PCNX1: variants seen among roughly 807,000 people sequenced by gnomAD.
PCNX1 encodes the protein pecanex 1.
A neutral mutation model predicts 242.2 loss-of-function variants in PCNX1; 78 were observed. That is an observed-to-expected ratio of 0.32 (90% CI 0.27 to 0.39). PCNX1 has a LOEUF of 0.39. PCNX1 is among the 10% of genes least tolerant of loss of function. PCNX1 has a pLI of 1.00. For missense variants in PCNX1, 2,581 were observed against 2,856.5 expected, an observed-to-expected ratio of 0.90 and a Z score of 2.20; for synonymous variants, 1,024 against 1,032.9, an observed-to-expected ratio of 0.99 and a Z score of 0.17.
intron 8 of PCNX1, among the ~76,000 whole-genome samples, chr14:70,999,896 A>G (rs544558669): frequency 1.3e-5 from 2 of 152,188 alleles, no homozygotes; most frequent in Admixed American, 6.5e-5. Flanking sequence ...ATTTTGGGCT[A>G]TTAGTACTTG....
intron 1 of PCNX1, among the ~76,000 whole-genome samples, chr14:70,946,354 C>G (rs2057456823): frequency 6.6e-6 from 1 of 152,158 alleles, no homozygotes; most frequent in South Asian, 2.1e-4. Flanking sequence ...AACGGTTGCA[C>G]AGAGCCCATA....
chr14:70,941,103 C>T (rs2057222743), intron 1 of PCNX1, among the ~76,000 whole-genome samples: 1 of 151,964 alleles, frequency 6.6e-6, no homozygotes, highest in Non-Finnish European at 1.5e-5. Context: ...TTTGTTATTA[C>T]TGATCTTTTG....
chr14:71,001,678 G>A (rs1355911683), intron 8 of PCNX1, among the ~76,000 whole-genome samples: 1 of 152,128 alleles, frequency 6.6e-6, no homozygotes, highest in Non-Finnish European at 1.5e-5. Context: ...TCATTCTTAA[G>A]ATTCTAAATT....
intron 8 of PCNX1, among the ~76,000 whole-genome samples, chr14:70,996,325 T>C (rs191963374): frequency 1.6e-4 from 24 of 152,282 alleles, no homozygotes; most frequent in Admixed American, 1.4e-3. Flanking sequence ...TCTAATTGTC[T>C]GCCACTATAG....
intron 12 of PCNX1, 35 bp from the exon 13 acceptor site, chr14:71,023,165 C>T (rs756065828): frequency 1.3e-6 from 2 of 1,563,956 alleles, no homozygotes; most frequent in Non-Finnish European, 1.8e-6. Context: ...AGCAAGACTT[C>T]AGGAGTGTAA....
intron 12 of PCNX1, among the ~76,000 whole-genome samples, chr14:71,022,850 C>G (rs111318312): frequency 3.9e-5 from 6 of 152,064 alleles, no homozygotes; most frequent in Non-Finnish European, 8.8e-5. Context: ...GTGAGAAATA[C>G]TATACTTGTA....
chr14:71,069,458 CTT>C (rs2061537178), intron 26 of PCNX1, among the ~76,000 whole-genome samples: 1 of 152,120 alleles, frequency 6.6e-6, no homozygotes, highest in South Asian at 2.1e-4. Flanking sequence ...TTAAAAGACA[CTT>C]TATAATATTG....
intron 1 of PCNX1, among the ~76,000 whole-genome samples, chr14:70,942,317 G>A (rs982902348): frequency 6.6e-6 from 1 of 151,882 alleles, no homozygotes; most frequent in African/African-American, 2.4e-5. Flanking sequence ...AATTAAAAAG[G>A]TTTTTTTTAA....
intron 2 of PCNX1, among the ~76,000 whole-genome samples, chr14:70,953,149 T>G (rs557247050): frequency 6.6e-6 from 1 of 152,192 alleles, no homozygotes; most frequent in African/African-American, 2.4e-5. Flanking sequence ...TATGGTGGTG[T>G]GCACCTGTAG....
chr14:70,963,086 C>T (rs952583288), intron 3 of PCNX1, among the ~76,000 whole-genome samples: 3 of 152,110 alleles, frequency 2.0e-5, no homozygotes, highest in Admixed American at 6.5e-5. Context: ...TGGACTAGAC[C>T]GCACTTCTCA....
intron 11 of PCNX1, 93 bp downstream of exon 11, chr14:71,013,295 C>A: frequency 1.0e-6 from 1 of 979,122 alleles, no homozygotes; most frequent in Non-Finnish European, 1.7e-6. Flanking sequence ...ACCTGGTTAT[C>A]ATGTTGGGAA....
rs1566602543 is a variant in PCNX1, at chr14:70,946,928, C to T, written c.167C>T (p.Thr56Ile). 6.2e-7 allele frequency: 1 copy of T among 1,610,762 alleles called. No individual in the cohort carries two copies. Among genetic ancestry groups the T allele is most frequent in the Non-Finnish European group, 8.5e-7 (1 of 1,177,024 alleles). Reference protein sequence around the residue: ...PFTLYMALPSTMIIVAVYCPV... With the variant: ...PFTLYMALPSIMIIVAVYCPV... ...TTTCTCTTAAAGGCCCTTCCTTCTA[C>T]CATGATTATAGTAGCAGTTTATTGT... The change falls in exon 2 of 36, where the codon ACC becomes ATC. Residue 56 changes from threonine to isoleucine, a missense_variant. By Grantham distance (89) the Thr-to-Ile change is moderately conservative. Around this residue, in one of 9 missense-constraint regions of PCNX1, gnomAD observed 1,204 missense variants for 1,216.7 expected, o/e 0.99. Coordinates refer to ENST00000304743, the MANE Select transcript of PCNX1 (RefSeq NM_014982.3).
In PCNX1 at chr14:70,978,501, G is replaced by C. The variant is rs764005932; in HGVS notation, c.2164G>C (p.Asp722His). Residue 722 changes from aspartate (D) to histidine (H), a missense_variant, in exon 6 of 36, where the codon GAT (aspartate) becomes CAT (histidine). By Grantham distance (81) the Asp-to-His change is moderately conservative. Coordinates refer to ENST00000304743, the MANE Select transcript of PCNX1 (RefSeq NM_014982.3). ...AAAGCCCTTAACCACTTCAAAATCAGATCTTGAGGCCAAAGAGGGAGAGGT... is the reference window on the plus strand; with the variant it reads ...AAAGCCCTTAACCACTTCAAAATCACATCTTGAGGCCAAAGAGGGAGAGGT... ...SIKPLTTSKS[D>H]LEAKEGEVLD... 3 of 1,614,158 alleles carry C rather than the reference G, an allele frequency of 1.9e-6. No homozygotes were observed. Among genetic ancestry groups the C allele is most frequent in the Non-Finnish European group, 2.5e-6 (3 of 1,180,032 alleles).
intron 1 of PCNX1, among the ~76,000 whole-genome samples, chr14:70,939,845 A>C (rs2057160767): frequency 6.6e-6 from 1 of 152,142 alleles, no homozygotes; most frequent in African/African-American, 2.4e-5. Context: ...TAGGATAGTT[A>C]GCTCTTCTTG....
At chr14:70,990,773 A>G (rs1049519118) in intron 7 of PCNX1, among the ~76,000 whole-genome samples, 1 of 152,032 alleles carries the variant, frequency 6.6e-6, no homozygotes, top group African/African-American at 2.4e-5. Flanking sequence ...TTTCCTTTCT[A>G]CTTTGCCTTT....
chr14:70,951,711 C>G (rs539005213), intron 2 of PCNX1, among the ~76,000 whole-genome samples: 1 of 152,148 alleles, frequency 6.6e-6, no homozygotes, highest in East Asian at 1.9e-4. Flanking sequence ...CATGCATATA[C>G]TTACTTTTGT....
intron 26 of PCNX1, among the ~76,000 whole-genome samples, chr14:71,063,536 G>A (rs1452683316): frequency 6.6e-6 from 1 of 152,062 alleles, no homozygotes; most frequent in Admixed American, 6.6e-5. Flanking sequence ...TCTCATGAGG[G>A]ATGAGTATAC....
rs182668417 is a variant in PCNX1, at chr14:70,992,819, G to A, written c.2445-2922G>A. Among the ~76,000 whole-genome samples, 34 of 152,288 alleles carry A rather than the reference G, an allele frequency of 2.2e-4. 3 individuals carry two copies. Among genetic ancestry groups the A allele is most frequent in the African/African-American group, 7.5e-4 (31 of 41,576 alleles). ...TGTACCATTATTAGTTTAGGATAAA[G>A]TGCAGCCCTCCAGGAATATGTTTTC... On this transcript the variant is annotated intron_variant, in intron 7 of 35. Coordinates refer to ENST00000304743, the MANE Select transcript of PCNX1 (RefSeq NM_014982.3).
intron 1 of PCNX1, among the ~76,000 whole-genome samples, chr14:70,923,942 C>T (rs1216854352): frequency 6.6e-6 from 1 of 152,076 alleles, no homozygotes; most frequent in Non-Finnish European, 1.5e-5. Flanking sequence ...TTGAAAGATA[C>T]TGCCTAGGCT....
Sources: gnomAD v4.1 joint callset for allele counts (sites outside exome capture counted in the v4.1 genomes callset) on GRCh38, gnomAD v4.1.1 for gene constraint, gnomAD v4.1.1 regional missense constraint, MANE v1.5 for transcripts, NCBI Gene and HGNC (gene_info 2026-07-23, HGNC 2026-07-21) for gene names.